Variants in RGS6 observed in about 807,000 individuals in gnomAD.
RGS6 encodes the protein regulator of G-protein signaling 6.
RGS6 carries 30 observed loss-of-function variants against 78.5 expected under a neutral mutation model. The ratio of observed to expected loss-of-function variants is 0.38; its 90% CI spans 0.29 to 0.52. The LOEUF is 0.52. RGS6 is among the 20% of genes least tolerant of loss of function. The pLI, the probability that RGS6 is intolerant of heterozygous loss-of-function variation, is 0.85. For missense variants in RGS6, 495 were observed against 609.7 expected, an observed-to-expected ratio of 0.81 and a Z score of 1.98; for synonymous variants, 206 against 206.0, an observed-to-expected ratio of 1.00 and a Z score of 0.00.
At chr14:72,334,873 A>G (rs943122705) in intron 2 of RGS6, among the ~76,000 whole-genome samples, 13 of 151,924 alleles carry the variant, frequency 8.6e-5, no homozygotes, top group African/African-American at 2.9e-4. Flanking sequence ...TGCTACCCAC[A>G]TGCTTCTACC....
intron 6 of RGS6, among the ~76,000 whole-genome samples, chr14:72,462,895 A>T (rs1597867875): frequency 6.6e-6 from 1 of 152,346 alleles, no homozygotes; most frequent in Middle Eastern, 3.4e-3. Flanking sequence ...TATGAGGAAA[A>T]TAGAGAAATA....
At chr14:72,108,942 T>G (rs1288225203) in intron 2 of RGS6, among the ~76,000 whole-genome samples, 9 of 152,154 alleles carry the variant, frequency 5.9e-5, no homozygotes, top group Non-Finnish European at 1.3e-4. Flanking sequence ...TAAGCAATAA[T>G]GTGTGGAATT....
chr14:72,259,951 C>T (rs1357206483), intron 2 of RGS6, among the ~76,000 whole-genome samples: 1 of 147,696 alleles, frequency 6.8e-6, no homozygotes, highest in African/African-American at 2.5e-5. Context: ...ACGAGAGTCT[C>T]AAATAGCTAA....
At chr14:71,954,805 A>G (rs945299000) in intron 1 of RGS6, among the ~76,000 whole-genome samples, 29 of 152,274 alleles carry the variant, frequency 1.9e-4, no homozygotes, top group African/African-American at 7.0e-4. Flanking sequence ...TGGTTTCATT[A>G]CCATTTACTT....
intron 2 of RGS6, among the ~76,000 whole-genome samples, chr14:72,101,268 A>G (rs2095522185): frequency 6.6e-6 from 1 of 152,208 alleles, no homozygotes; most frequent in Non-Finnish European, 1.5e-5. Context: ...ATGAAACAAC[A>G]GATGAAACAG....
At chr14:72,245,530 T>C (rs972830556) in intron 2 of RGS6, among the ~76,000 whole-genome samples, 4 of 152,252 alleles carry the variant, frequency 2.6e-5, no homozygotes, top group Non-Finnish European at 5.9e-5. Context: ...CTCATGCTTT[T>C]GTTTGTGGCT....
intron 2 of RGS6, among the ~76,000 whole-genome samples, chr14:72,309,589 G>A (rs146608023): frequency 1.9e-4 from 29 of 152,312 alleles, no homozygotes; most frequent in South Asian, 1.7e-3. Flanking sequence ...ATCCTCAGGC[G>A]ATACTGTGAA....
intron 2 of RGS6, among the ~76,000 whole-genome samples, chr14:72,139,628 G>T (rs2096507394): frequency 6.6e-6 from 1 of 152,180 alleles, no homozygotes; most frequent in African/African-American, 2.4e-5. Context: ...GTTGTTTATA[G>T]ATAGAGTTTC....
At chr14:72,112,825 T>G (rs2095798620) in intron 2 of RGS6, among the ~76,000 whole-genome samples, 1 of 152,156 alleles carries the variant, frequency 6.6e-6, no homozygotes, top group South Asian at 2.1e-4. Context: ...GACCCCCCAA[T>G]GTATGGGTGC....
the RGS6 span, among the ~76,000 whole-genome samples, chr14:71,925,741 AG>A: frequency 2.3e-5 from 2 of 86,402 alleles, no homozygotes; most frequent in South Asian, 6.6e-4. Flanking sequence ...TTATATTATA[AG>A]GTTTATTTCC....
At chr14:72,191,774 T>C (rs2097329194) in intron 2 of RGS6, among the ~76,000 whole-genome samples, 1 of 152,208 alleles carries the variant, frequency 6.6e-6, no homozygotes. Flanking sequence ...TAACCAAATA[T>C]GTTAAGCTCC....
At chr14:72,140,703 C>T (rs945989973) in intron 2 of RGS6, among the ~76,000 whole-genome samples, 1 of 152,220 alleles carries the variant, frequency 6.6e-6, no homozygotes, top group Non-Finnish European at 1.5e-5. Flanking sequence ...ATGGAGCCAG[C>T]ACCTGAGATC....
At chr14:72,397,309 C>T (rs1369827993) in intron 3 of RGS6, among the ~76,000 whole-genome samples, 2 of 152,010 alleles carry the variant, frequency 1.3e-5, no homozygotes, top group African/African-American at 2.4e-5. Flanking sequence ...CTCTTTGAAG[C>T]AATTGTGAAT....
At chr14:72,483,248 A>C (rs907590685) in intron 12 of RGS6, among the ~76,000 whole-genome samples, 9 of 152,170 alleles carry the variant, frequency 5.9e-5, no homozygotes, top group African/African-American at 2.2e-4. Context: ...GCGAGCTTAC[A>C]CCACAATCAC....
At chr14:72,088,754 C>T (rs2095153708) in intron 2 of RGS6, among the ~76,000 whole-genome samples, 4 of 152,166 alleles carry the variant, frequency 2.6e-5, no homozygotes, top group Admixed American at 2.6e-4. Flanking sequence ...GGGGGCTCTC[C>T]ATGCTCTAGC....
At chr14:72,037,914 A>G (rs920239105) in intron 2 of RGS6, among the ~76,000 whole-genome samples, 1 of 152,000 alleles carries the variant, frequency 6.6e-6, no homozygotes, top group African/African-American at 2.4e-5. Flanking sequence ...AGTCTATTCT[A>G]TGCTGTTGAT....
intron 2 of RGS6, among the ~76,000 whole-genome samples, chr14:72,184,881 C>T (rs993064575): frequency 1.3e-5 from 2 of 152,158 alleles, no homozygotes; most frequent in African/African-American, 4.8e-5. Context: ...GATAGATGTA[C>T]ATATGAAAGG....
intron 2 of RGS6, among the ~76,000 whole-genome samples, chr14:72,167,104 C>T (rs1330577310): frequency 6.6e-6 from 1 of 152,298 alleles, no homozygotes; most frequent in Admixed American, 6.5e-5. Flanking sequence ...AGGCTACGCT[C>T]AAGTATTACC....
intron 12 of RGS6, among the ~76,000 whole-genome samples, chr14:72,478,714 T>C (rs558317158): frequency 2.2e-4 from 34 of 152,360 alleles, no homozygotes; most frequent in African/African-American, 8.2e-4. Flanking sequence ...GTGTGTCCTT[T>C]GAGGTGCTGG....
Sources: allele counts gnomAD v4.1 joint callset (sites outside exome capture counted in the v4.1 genomes callset), GRCh38; gene constraint gnomAD v4.1.1; transcripts MANE v1.5; gene names NCBI Gene and HGNC (gene_info 2026-07-23, HGNC 2026-07-21).